Variants in LGSN observed in about 807,000 individuals in gnomAD.
The protein encoded by LGSN is lengsin, lens protein with glutamine synthetase domain.
Under a neutral mutation model 19.5 loss-of-function variants are expected in LGSN, and 21 were observed. The observed-to-expected ratio is 1.07, with a 90% CI of 0.76 to 1.55. LGSN has a LOEUF of 1.55. Among genes scored for constraint, LGSN ranks in the 40% most tolerant of loss-of-function variants. LGSN has a pLI of 0.00. For missense variants in LGSN, 673 were observed against 608.5 expected, an observed-to-expected ratio of 1.11 and a Z score of -1.12; for synonymous variants, 257 against 215.6, an observed-to-expected ratio of 1.19 and a Z score of -1.68.
the LGSN span, among the ~76,000 whole-genome samples, chr6:63,562,467 G>A: frequency 1.3e-5 from 2 of 152,106 alleles, no homozygotes; most frequent in African/African-American, 4.8e-5. Context: ...CCAAAGTGCT[G>A]GGATTACAGG....
the LGSN span, among the ~76,000 whole-genome samples, chr6:63,568,124 T>G: frequency 6.6e-6 from 1 of 152,246 alleles, no homozygotes; most frequent in East Asian, 1.9e-4. Context: ...TTTCTTATCA[T>G]TCCTGTGTTC....
rs549158489 is a variant in LGSN at position 63,302,119 on chromosome 6, A to G, written c.31-7074T>C. ...AATAAAATGGAAAGCATCATAAAAT[A>G]AATGGTACTTAACATTCTCTGAGTT... On this transcript the variant is annotated intron_variant, in intron 1 of 3. Transcript: ENST00000370657. Among the ~76,000 whole-genome samples the G allele has an allele frequency of 5.2e-4, 79 of 152,340 alleles. No individual in the cohort carries two copies. In the Middle Eastern group the frequency reaches 0.014, roughly 26 times the overall value.
the LGSN span, among the ~76,000 whole-genome samples, chr6:63,383,480 T>C: frequency 6.6e-6 from 1 of 151,578 alleles, no homozygotes; most frequent in Admixed American, 6.6e-5. Context: ...CAGAACAGAA[T>C]AGACCAAAAC....
At chr6:63,505,306 G>C in the LGSN span, among the ~76,000 whole-genome samples, 4 of 151,798 alleles carry the variant, frequency 2.6e-5, no homozygotes, top group African/African-American at 9.7e-5. Context: ...GCCGGGCGTA[G>C]TGTCTCACAT....
chr6:63,388,043 T>G, the LGSN span, among the ~76,000 whole-genome samples: 6 of 151,242 alleles, frequency 4.0e-5, no homozygotes, highest in South Asian at 6.3e-4. Context: ...TTTTTTTGTT[T>G]TTTTTTTTTT....
At chr6:63,282,971 A>G (rs1331829444) in intron 3 of LGSN, among the ~76,000 whole-genome samples, 5 of 152,120 alleles carry the variant, frequency 3.3e-5, no homozygotes, top group Admixed American at 1.3e-4. Context: ...AATATATTTT[A>G]TTCATGAGAC....
the LGSN span, among the ~76,000 whole-genome samples, chr6:63,384,434 G>A: frequency 1.5e-4 from 22 of 151,580 alleles, no homozygotes; most frequent in Non-Finnish European, 2.4e-4. Context: ...GAATTAATAC[G>A]TTGAAGCTCT....
chr6:63,438,386 G>A, the LGSN span, among the ~76,000 whole-genome samples: 7 of 152,292 alleles, frequency 4.6e-5, no homozygotes, highest in East Asian at 1.9e-4. Context: ...CTTCTGCACA[G>A]TAAAAGAAAC....
At chr6:63,539,600 A>AC in the LGSN span, among the ~76,000 whole-genome samples, 2 of 151,924 alleles carry the variant, frequency 1.3e-5, no homozygotes, top group Non-Finnish European at 2.9e-5. Context: ...ACATGGTGAA[A>AC]CCCCGTCTCT....
the LGSN span, among the ~76,000 whole-genome samples, chr6:63,352,700 C>T: frequency 6.4e-4 from 97 of 152,116 alleles, no homozygotes; most frequent in African/African-American, 2.0e-3. Context: ...CACACACACA[C>T]ACACAGACAC....
chr6:63,324,841 C>T (rs768283462), upstream of LGSN, among the ~76,000 whole-genome samples: 19 of 151,006 alleles, frequency 1.3e-4, no homozygotes, highest in African/African-American at 4.6e-4. Flanking sequence ...CACATGGTGG[C>T]TCATGCCTGT....
the LGSN span, among the ~76,000 whole-genome samples, chr6:63,327,195 G>A: frequency 7.2e-5 from 11 of 152,186 alleles, no homozygotes; most frequent in African/African-American, 2.7e-4. Context: ...CTCAGTAGAA[G>A]TTGTTAGTTG....
At chr6:63,471,343 G>T in the LGSN span, among the ~76,000 whole-genome samples, 1 of 151,724 alleles carries the variant, frequency 6.6e-6, no homozygotes, top group Non-Finnish European at 1.5e-5. Context: ...CTTAGGAACT[G>T]TTGAAGATTA....
the LGSN span, among the ~76,000 whole-genome samples, chr6:63,433,042 C>T: frequency 1.3e-5 from 2 of 152,132 alleles, no homozygotes; most frequent in Non-Finnish European, 2.9e-5. Flanking sequence ...AATGAAGGGA[C>T]ATCTCTTTCC....
chr6:63,539,316 C>T, the LGSN span, among the ~76,000 whole-genome samples: 2 of 152,138 alleles, frequency 1.3e-5, no homozygotes, highest in Non-Finnish European at 2.9e-5. Context: ...GATCTACCAC[C>T]TAACCTGAAG....
At chr6:63,344,969 A>G in the LGSN span, among the ~76,000 whole-genome samples, 1 of 152,302 alleles carries the variant, frequency 6.6e-6, no homozygotes, top group African/African-American at 2.4e-5. Context: ...GTGTTCATCA[A>G]AATCTACCAT....
At chr6:63,556,805 C>T in the LGSN span, among the ~76,000 whole-genome samples, 9 of 152,262 alleles carry the variant, frequency 5.9e-5, no homozygotes, top group South Asian at 1.7e-3. Context: ...TCGACTTTTA[C>T]AAGAAATGCC....
At chr6:63,350,873 A>T in the LGSN span, among the ~76,000 whole-genome samples, 1 of 151,824 alleles carries the variant, frequency 6.6e-6, no homozygotes, top group Non-Finnish European at 1.5e-5. Flanking sequence ...AACAAAAACG[A>T]GTTCAGACGA....
the LGSN span, among the ~76,000 whole-genome samples, chr6:63,432,184 A>AGAGGGAAAG: frequency 3.8e-5 from 1 of 26,616 alleles, no homozygotes; most frequent in African/African-American, 2.0e-4. Context: ...GGAAAGAAAG[A>AGAGGGAAAG]AAAGAAAAGA....
Sources: gnomAD v4.1 joint callset for allele counts (sites outside exome capture counted in the v4.1 genomes callset) on GRCh38, gnomAD v4.1.1 for gene constraint, MANE v1.5 for transcripts, NCBI Gene and HGNC (gene_info 2026-07-23, HGNC 2026-07-21) for gene names.